AGBL4: variants seen among roughly 807,000 people sequenced by gnomAD.
The protein encoded by AGBL4 is cytosolic carboxypeptidase 6.
AGBL4 carries 58 observed loss-of-function variants against 66.4 expected under a neutral mutation model. The observed-to-expected ratio is 0.87, with a 90% confidence interval of 0.71 to 1.09. AGBL4 has a LOEUF of 1.09. Among genes scored for constraint, AGBL4 ranks in the 50% least tolerant of loss-of-function variants. The probability of loss-of-function intolerance (pLI) is 0.00; values close to 1 mark genes in which losing one functional copy is unlikely to be tolerated. For missense variants in AGBL4, 579 were observed against 631.0 expected (o/e 0.92, Z 0.88); for synonymous variants, 234 against 222.9 (o/e 1.05, Z -0.44).
chr1:49,334,220 T>G (rs1487326258), intron 3 of AGBL4, among the ~76,000 whole-genome samples: 4 of 130,738 alleles, frequency 3.1e-5, no homozygotes, highest in African/African-American at 1.4e-4. Flanking sequence ...ATAAGGAAAC[T>G]GAAGCATAAC....
At chr1:49,291,938 A>G (rs1030498595) in intron 3 of AGBL4, among the ~76,000 whole-genome samples, 6 of 152,194 alleles carry the variant, frequency 3.9e-5, no homozygotes, top group East Asian at 3.9e-4. Flanking sequence ...CAGAGCAGGT[A>G]GGAGCCCTAC....
chr1:48,660,057 C>A (rs552869647), intron 7 of AGBL4, among the ~76,000 whole-genome samples: 1 of 152,300 alleles, frequency 6.6e-6, no homozygotes, highest in East Asian at 1.9e-4. Flanking sequence ...TGAGGGATGG[C>A]GCTCTCACAT....
intron 4 of AGBL4, among the ~76,000 whole-genome samples, chr1:49,050,071 G>A (rs994726687): frequency 3.9e-5 from 6 of 151,984 alleles, no homozygotes; most frequent in African/African-American, 1.5e-4. Context: ...CACAACACTC[G>A]ATCCTGCCAG....
chr1:49,193,933 T>C (rs1031989746), intron 4 of AGBL4, among the ~76,000 whole-genome samples: 4 of 152,202 alleles, frequency 2.6e-5, no homozygotes, highest in Non-Finnish European at 5.9e-5. Flanking sequence ...TGACCTAATA[T>C]ATGGTCTATG....
intron 1 of AGBL4, among the ~76,000 whole-genome samples, chr1:49,910,382 T>C (rs1650694669): frequency 6.6e-6 from 1 of 152,176 alleles, no homozygotes; most frequent in African/African-American, 2.4e-5. Context: ...CTGATGACCT[T>C]GACAAGAGCT....
At chr1:49,456,820 G>A (rs1210680127) in intron 3 of AGBL4, among the ~76,000 whole-genome samples, 6 of 151,630 alleles carry the variant, frequency 4.0e-5, no homozygotes, top group South Asian at 2.1e-4. Context: ...GAGAACATAC[G>A]ATGTTTGGTT....
chr1:48,653,415 G>A lies in AGBL4; in HGVS notation c.761C>T (p.Ala254Val). ...GACCAGGTATTCCCGGAGGACACAG[G>A]CAATAGGGTGCTGGCTTACAAGGAA... ...IDFLVSQHPI[A>V]CVLREYLVFK... is the part of the protein sequence containing the mutation. The change falls in exon 8 of 14, where the codon GCC (alanine) becomes GTC (valine). Residue 254 changes from alanine to valine, a missense_variant. Ala to Val is a moderately conservative substitution (Grantham distance 64, BLOSUM62 0). Transcript: ENST00000371839. 4 of 1,586,142 alleles carry A rather than the reference G, an allele frequency of 2.5e-6. No homozygotes were observed. Among genetic ancestry groups the A allele is most frequent in the Non-Finnish European group, 2.6e-6 (3 of 1,165,424 alleles).
chr1:49,661,871 C>T (rs1278751665), intron 3 of AGBL4, among the ~76,000 whole-genome samples: 3 of 152,000 alleles, frequency 2.0e-5, no homozygotes, highest in Non-Finnish European at 4.4e-5. Context: ...TAGAAATGTC[C>T]ATACCAGCCT....
At chr1:49,281,039 A>G (rs1481799631) in intron 3 of AGBL4, among the ~76,000 whole-genome samples, 4 of 152,244 alleles carry the variant, frequency 2.6e-5, no homozygotes, top group African/African-American at 9.6e-5. Flanking sequence ...CAAAGAAATA[A>G]TTAGGCACTT....
chr1:49,891,392 G>A (rs998236457), intron 1 of AGBL4, among the ~76,000 whole-genome samples: 2 of 152,116 alleles, frequency 1.3e-5, no homozygotes, highest in African/African-American at 4.8e-5. Context: ...GCTGCTCAAG[G>A]GATGTTTAAC....
At chr1:49,453,785 T>G (rs1646330481) in intron 3 of AGBL4, among the ~76,000 whole-genome samples, 1 of 151,266 alleles carries the variant, frequency 6.6e-6, no homozygotes, top group Non-Finnish European at 1.5e-5. Flanking sequence ...GAGCCGTGTA[T>G]TTTACAGATA....
At position 49,938,011 on chromosome 1, in the gene AGBL4, A is replaced by G. The variant is rs182510198; in HGVS notation, c.34+85752T>C. Among the ~76,000 whole-genome samples the G allele has an allele frequency of 2.8e-3, 429 of 150,936 alleles. 4 individuals are homozygous for G. Among genetic ancestry groups the G allele is most frequent in the South Asian group, 0.01 (48 of 4,782 alleles). ...AACTAAAATCAGAGCAGAACTGAAG[A>G]AAATAGAGACAAAAAAAGCCCTTGA... On this transcript the variant is annotated intron_variant, in intron 1 of 13. Transcript: ENST00000371839.
At chr1:49,997,585 T>C (rs1660458880) in intron 1 of AGBL4, among the ~76,000 whole-genome samples, 1 of 151,954 alleles carries the variant, frequency 6.6e-6, no homozygotes. Flanking sequence ...AGAAATGAGA[T>C]AGACATGAAC....
At chr1:48,732,915 C>G (rs1019052134) in intron 6 of AGBL4, among the ~76,000 whole-genome samples, 13 of 152,180 alleles carry the variant, frequency 8.5e-5, no homozygotes, top group African/African-American at 3.1e-4. Context: ...AAATCCCCAG[C>G]GTGCAGAACA....
chr1:49,505,888 A>G (rs957099354), intron 3 of AGBL4, among the ~76,000 whole-genome samples: 3 of 152,002 alleles, frequency 2.0e-5, no homozygotes, highest in Non-Finnish European at 2.9e-5. Context: ...AAGCTGTTCT[A>G]TAATTCCCGT....
intron 4 of AGBL4, among the ~76,000 whole-genome samples, chr1:49,174,458 G>T (rs1646794915): frequency 6.6e-6 from 1 of 152,086 alleles, no homozygotes; most frequent in South Asian, 2.1e-4. Flanking sequence ...TATTTAGCAG[G>T]TAAGTTCCTT....
intron 2 of AGBL4, among the ~76,000 whole-genome samples, chr1:49,760,339 C>T (rs1470509470): frequency 6.6e-6 from 1 of 152,066 alleles, no homozygotes; most frequent in Non-Finnish European, 1.5e-5. Context: ...GTTGTAATTG[C>T]TCTTGGCATT....
At chr1:49,333,521 T>C (rs12407305) in intron 3 of AGBL4, among the ~76,000 whole-genome samples, 78,940 of 151,946 alleles carry the variant, frequency 0.52, 21,785 homozygotes, top group Non-Finnish European at 0.62. Flanking sequence ...AACCATAAAA[T>C]TCAGGATAAT....
chr1:48,948,944 T>C (rs905513380), intron 5 of AGBL4, among the ~76,000 whole-genome samples: 3 of 152,180 alleles, frequency 2.0e-5, no homozygotes, highest in Admixed American at 1.3e-4. Context: ...GAAACATGTA[T>C]TGTGCACTCA....
Sources: gnomAD v4.1 joint callset for allele counts (sites outside exome capture counted in the v4.1 genomes callset) on GRCh38, gnomAD v4.1.1 for gene constraint, MANE v1.5 for transcripts, NCBI Gene and HGNC (gene_info 2026-07-23, HGNC 2026-07-21) for gene names.